KCND3: variants seen among roughly 807,000 people sequenced by gnomAD.
KCND3 encodes potassium voltage-gated channel subfamily D member 3, also known as A-type voltage-gated potassium channel KCND3.
KCND3 carries 9 observed loss-of-function variants against 51.1 expected under a neutral mutation model. The observed-to-expected ratio is 0.18, with a 90% CI of 0.11 to 0.31. The LOEUF is 0.31. Ranked by LOEUF, KCND3 falls within the 10% of genes least tolerant of loss-of-function variation. The pLI is 1.00. For missense variants in KCND3, 526 were observed against 903.8 expected (o/e 0.58, Z 5.36); for synonymous variants, 349 against 368.0 (o/e 0.95, Z 0.59).
chr1:111,986,424 G>A (rs374950832), intron 1 of KCND3, among the ~76,000 whole-genome samples: 3 of 152,160 alleles, frequency 2.0e-5, no homozygotes, highest in African/African-American at 7.2e-5. Context: ...TGATCTAGGT[G>A]TTGCCCAATA....
At chr1:111,815,648 G>A (rs1290675555) in intron 2 of KCND3, among the ~76,000 whole-genome samples, 1 of 151,292 alleles carries the variant, frequency 6.6e-6, no homozygotes, top group East Asian at 1.9e-4. Context: ...CTCTGACCCT[G>A]CTCCTTGGCT....
rs991926926 is a variant in KCND3 at position 111,961,036 on chromosome 1, T to C, written c.1106+20585A>G. Among the ~76,000 whole-genome samples, 12 of 152,312 alleles carry C rather than the reference T, an allele frequency of 7.9e-5. No homozygotes were observed. The East Asian group carries it at 2.3e-3, about 29-fold the overall frequency. ...TAGGGGTAGCCTCGACTCTGTGCTCTTGTCCCGGAGAAGAGAGGTACAGCA... is the reference window on the plus strand; with the variant it reads ...TAGGGGTAGCCTCGACTCTGTGCTCCTGTCCCGGAGAAGAGAGGTACAGCA... On this transcript the variant is annotated intron_variant, in intron 2 of 7. Coordinates refer to ENST00000302127, the MANE Select transcript of KCND3 (RefSeq NM_001378969.1).
chr1:111,972,785 C>A (rs1674412883), intron 2 of KCND3, among the ~76,000 whole-genome samples: 1 of 152,218 alleles, frequency 6.6e-6, no homozygotes, highest in South Asian at 2.1e-4. Context: ...TTCTTTATTT[C>A]TCTATCCCCC....
At chr1:111,891,529 C>T (rs150212311) in intron 2 of KCND3, among the ~76,000 whole-genome samples, 65 of 152,268 alleles carry the variant, frequency 4.3e-4, no homozygotes, top group African/African-American at 1.4e-3. Flanking sequence ...CCTCAGCTCC[C>T]GAAGGGCATC....
At chr1:111,830,272 C>T (rs1032287783) in intron 2 of KCND3, among the ~76,000 whole-genome samples, 4 of 152,234 alleles carry the variant, frequency 2.6e-5, no homozygotes, top group African/African-American at 9.6e-5. Flanking sequence ...TTCTGTGGCT[C>T]CTCATAGCCT....
intron 2 of KCND3, among the ~76,000 whole-genome samples, chr1:111,973,518 C>T (rs1020303078): frequency 6.6e-6 from 1 of 152,212 alleles, no homozygotes; most frequent in Non-Finnish European, 1.5e-5. Context: ...AAGTTGCTGG[C>T]TGTGCCACTG....
At chr1:111,916,007 T>C (rs1351454242) in intron 2 of KCND3, among the ~76,000 whole-genome samples, 2 of 152,132 alleles carry the variant, frequency 1.3e-5, no homozygotes, top group Non-Finnish European at 2.9e-5. Context: ...GTCTCTGTAA[T>C]TGATAGAAAA....
At chr1:111,793,546 T>C (rs1006055849) in intron 2 of KCND3, among the ~76,000 whole-genome samples, 1 of 152,220 alleles carries the variant, frequency 6.6e-6, no homozygotes, top group Non-Finnish European at 1.5e-5. Flanking sequence ...AATAAATGTT[T>C]GTTGAATGTA....
At chr1:111,945,033 T>C (rs1672712148) in intron 2 of KCND3, among the ~76,000 whole-genome samples, 1 of 151,980 alleles carries the variant, frequency 6.6e-6, no homozygotes, top group Non-Finnish European at 1.5e-5. Context: ...CCTCAACAGA[T>C]ATTTGAGGAA....
intron 2 of KCND3, among the ~76,000 whole-genome samples, chr1:111,951,442 G>T (rs1283301197): frequency 2.0e-5 from 3 of 152,142 alleles, no homozygotes; most frequent in African/African-American, 7.2e-5. Context: ...ATTGGGAACT[G>T]CTTATAATCA....
chr1:111,825,974 G>T (rs1349834229), intron 2 of KCND3, among the ~76,000 whole-genome samples: 2 of 152,202 alleles, frequency 1.3e-5, no homozygotes, highest in Non-Finnish European at 2.9e-5. Flanking sequence ...CCAGCATTGG[G>T]TAGGGTACTC....
At chr1:111,838,011 G>A (rs766967118) in intron 2 of KCND3, among the ~76,000 whole-genome samples, 3 of 152,098 alleles carry the variant, frequency 2.0e-5, no homozygotes, top group Non-Finnish European at 4.4e-5. Flanking sequence ...TCCACATAAC[G>A]CGTCACTGTC....
At chr1:111,859,463 C>A (rs139282272) in intron 2 of KCND3, among the ~76,000 whole-genome samples, 14 of 152,344 alleles carry the variant, frequency 9.2e-5, no homozygotes, top group Admixed American at 6.5e-4. Context: ...CCAGCTAGAA[C>A]CACTGAAGAG....
intron 1 of KCND3, among the ~76,000 whole-genome samples, chr1:111,984,871 C>G (rs1199967229): frequency 6.6e-6 from 1 of 152,146 alleles, no homozygotes; most frequent in Non-Finnish European, 1.5e-5. Context: ...GTGATGCTTC[C>G]TCCTCTCCTC....
At chr1:111,928,263 G>C (rs2101853912) in intron 2 of KCND3, among the ~76,000 whole-genome samples, 1 of 152,280 alleles carries the variant, frequency 6.6e-6, no homozygotes, top group Non-Finnish European at 1.5e-5. Context: ...GAGTGGCATA[G>C]AGGTCATGGT....
chr1:111,885,168 A>G (rs1402982111), intron 2 of KCND3, among the ~76,000 whole-genome samples: 1 of 152,218 alleles, frequency 6.6e-6, no homozygotes, highest in Non-Finnish European at 1.5e-5. Flanking sequence ...CTTTGTGACT[A>G]AGGAGGAGGA....
At position 111,775,470 on chromosome 1, in the gene KCND3, C is replaced by T. The variant is rs959478868; in HGVS notation, c.*607G>A. ...AATAACTGACTTCTTAGCCTAAAAG[C>T]TTTTGCTATAAAAGGAGAAAAAAAA... On this transcript the variant is annotated 3_prime_UTR_variant, in exon 8 of 8. Coordinates refer to ENST00000302127, the MANE Select transcript of KCND3 (RefSeq NM_001378969.1). The T allele has an allele frequency of 3.1e-5, 5 of 160,134 alleles. No homozygotes were observed. The highest frequency in any genetic ancestry group is 7.2e-5 in the African/African-American group (3 of 41,408). The allele number at this position is 160,134 out of a possible 1,614,324, so 9.9% of individuals were successfully genotyped here. A position where few individuals can be genotyped will look rare whatever the true frequency, so the allele number is the denominator to read the frequency against.
chr1:111,844,270 G>C (rs1667454406), intron 2 of KCND3, among the ~76,000 whole-genome samples: 1 of 152,220 alleles, frequency 6.6e-6, no homozygotes, highest in African/African-American at 2.4e-5. Flanking sequence ...CAGGACAGAA[G>C]CTCACTTTTC....
At chr1:111,950,293 T>C (rs924748033) in intron 2 of KCND3, among the ~76,000 whole-genome samples, 1 of 152,216 alleles carries the variant, frequency 6.6e-6, no homozygotes, top group Non-Finnish European at 1.5e-5. Context: ...TTTTTGAAAA[T>C]ACTGGTCGTG....
Sources: allele counts gnomAD v4.1 joint callset (sites outside exome capture counted in the v4.1 genomes callset), GRCh38; gene constraint gnomAD v4.1.1; transcripts MANE v1.5; gene names NCBI Gene and HGNC (gene_info 2026-07-23, HGNC 2026-07-21).